Variants in CWF19L1 observed in about 807,000 individuals in gnomAD.
CWF19L1 encodes CWF19 like cell cycle control factor 1, also known as CWF19-like protein 1.
Under a neutral mutation model 69.7 loss-of-function variants are expected in CWF19L1, and 60 were observed. That is an observed-to-expected ratio of 0.86 (90% CI 0.70 to 1.07). The LOEUF (loss-of-function observed/expected upper bound fraction) is 1.07, where lower values mean the gene tolerates loss of function less well. Among genes scored for constraint, CWF19L1 ranks in the 50% least tolerant of loss-of-function variants. The pLI, the probability that CWF19L1 is intolerant of heterozygous loss-of-function variation, is 0.00. For missense variants in CWF19L1, 591 were observed against 638.9 expected (o/e 0.92, Z 0.81); for synonymous variants, 209 against 222.2 (o/e 0.94, Z 0.53).
rs193007573 is a variant in CWF19L1 at position 100,245,058 on chromosome 10, T to C, written c.964+741A>G. ...TTTTTTTTGAGATGGAGTCTCACTC[T>C]GTCACCCAGGCTGGAGTGCAATGGC... On this transcript the variant is annotated intron_variant, in intron 9 of 13. Coordinates refer to ENST00000354105, the MANE Select transcript of CWF19L1 (RefSeq NM_018294.6). 5.3e-5 allele frequency among the ~76,000 whole-genome samples: 8 copies of C among 151,368 alleles called. No individual in the cohort carries two copies. The East Asian group carries it at 1.6e-3, about 29-fold the overall frequency.
intron 4 of CWF19L1, among the ~76,000 whole-genome samples, chr10:100,259,854 T>C (rs1045592957): frequency 6.6e-6 from 1 of 152,268 alleles, no homozygotes; most frequent in East Asian, 1.9e-4. Flanking sequence ...GAGAACACTA[T>C]ATTATGTTCA....
intron 1 of CWF19L1, among the ~76,000 whole-genome samples, chr10:100,264,443 G>A (rs2134327996): frequency 6.6e-6 from 1 of 152,114 alleles, no homozygotes; most frequent in African/African-American, 2.4e-5. Context: ...TACTCAGGAG[G>A]CTGAGGCGGG....
At chr10:100,252,662 G>A (rs75795658) in intron 6 of CWF19L1, among the ~76,000 whole-genome samples, 11,196 of 151,620 alleles carry the variant, frequency 0.074, 723 homozygotes, top group African/African-American at 0.17. Context: ...GTGAAACCCC[G>A]TCTCTATTAA....
intron 7 of CWF19L1, 25 bp from the exon 8 acceptor site, chr10:100,246,960 C>A (rs1297186747): frequency 6.4e-7 from 1 of 1,573,874 alleles, no homozygotes; most frequent in East Asian, 2.3e-5. Context: ...AACATAATGA[C>A]ATTAGGGGAA....
chr10:100,255,499 C>A (rs569589305), intron 5 of CWF19L1, among the ~76,000 whole-genome samples: 36 of 144,160 alleles, frequency 2.5e-4, no homozygotes, highest in Non-Finnish European at 4.7e-4. Flanking sequence ...ACAAAAAAAT[C>A]CGCCTGTAAT....
At chr10:100,239,680 G>A (rs892733742) in intron 10 of CWF19L1, among the ~76,000 whole-genome samples, 2 of 152,152 alleles carry the variant, frequency 1.3e-5, no homozygotes, top group African/African-American at 4.8e-5. Flanking sequence ...TCTTAGTGTG[G>A]TGGGCTCAAA....
At chr10:100,265,663 G>A (rs1341302365) in intron 1 of CWF19L1, among the ~76,000 whole-genome samples, 1 of 151,884 alleles carries the variant, frequency 6.6e-6, no homozygotes, top group Non-Finnish European at 1.5e-5. Flanking sequence ...TGGGATTACA[G>A]GCGCCCGCTA....
chr10:100,265,489 T>A (rs566854265), intron 1 of CWF19L1, among the ~76,000 whole-genome samples: 1 of 151,730 alleles, frequency 6.6e-6, no homozygotes, highest in Admixed American at 6.6e-5. Flanking sequence ...GCCCTTTTTT[T>A]TTTTCCTGTA....
chr10:100,257,724 A>G (rs539171727), intron 4 of CWF19L1, among the ~76,000 whole-genome samples: 6 of 152,208 alleles, frequency 3.9e-5, no homozygotes, highest in African/African-American at 1.4e-4. Flanking sequence ...TGAAGTTGAC[A>G]ATATCTTTAC....
chr10:100,249,097 G>A lies in CWF19L1; in HGVS notation c.708+1151C>T, dbSNP rs577850782. 9.9e-5 allele frequency: 49 copies of A among 496,228 alleles called. No individual in the cohort carries two copies. The East Asian group carries it at 1.6e-3, about 17-fold the overall frequency. 30.7% of individuals were successfully genotyped at this position (496,228 alleles called of 1,614,324 possible). A position where few individuals can be genotyped will look rare whatever the true frequency, so the allele number is the denominator to read the frequency against. On this transcript the variant is annotated intron_variant, in intron 7 of 13. Transcript: ENST00000354105. Reference sequence around the variant, plus strand: ...GAGGGGCCACCCTGCCTGCACCTCCGCAGGCCAACTGGGCCACAGCCCTGA... The same window carrying A: ...GAGGGGCCACCCTGCCTGCACCTCCACAGGCCAACTGGGCCACAGCCCTGA...
intron 4 of CWF19L1, among the ~76,000 whole-genome samples, chr10:100,258,024 G>A (rs1847271300): frequency 6.6e-6 from 1 of 152,000 alleles, no homozygotes; most frequent in African/African-American, 2.4e-5. Context: ...GATCACCTCA[G>A]GTCAGGATTT....
At chr10:100,264,100 A>G (rs1258684262) in intron 1 of CWF19L1, among the ~76,000 whole-genome samples, 1 of 152,264 alleles carries the variant, frequency 6.6e-6, no homozygotes, top group Non-Finnish European at 1.5e-5. Context: ...TTGTAACATC[A>G]TAGTGCAATA....
chr10:100,248,537 G>T, intron 7 of CWF19L1: 1 of 709,850 alleles, frequency 1.4e-6, no homozygotes, highest in Non-Finnish European at 2.6e-6. Context: ...ACATCACGGT[G>T]CACATGGGGG....
chr10:100,252,830 G>A (rs564339876), intron 6 of CWF19L1, among the ~76,000 whole-genome samples: 163 of 144,962 alleles, frequency 1.1e-3, no homozygotes, highest in African/African-American at 3.9e-3. Context: ...GCGAGACTCC[G>A]TCTCAAAAAA....
chr10:100,253,487 G>T lies in CWF19L1; in HGVS notation c.557C>A (p.Thr186Lys), dbSNP rs746097669. The T allele has an allele frequency of 6.2e-7, 1 of 1,614,070 alleles. No homozygotes were observed. The highest frequency in any genetic ancestry group is 2.2e-5 in the East Asian group (1 of 44,874). Residue 186 changes from threonine to lysine, a missense_variant, in exon 6 of 14, where the codon ACG (threonine) becomes AAG (lysine). Physicochemically the swap from Thr to Lys is moderately conservative, Grantham distance 78. Around this residue, in one of 3 missense-constraint regions of CWF19L1, gnomAD observed 458 missense variants for 489.3 expected, o/e 0.94. Coordinates refer to ENST00000354105, the MANE Select transcript of CWF19L1 (RefSeq NM_018294.6). ...AAAATGGTATCTTGGTTTCAAGCCC[G>T]TGGCAAGACTGGAAACCAAAGCAGA... Reference protein sequence around the residue: ...CGSALVSSLATGLKPRYHFAA... With the variant: ...CGSALVSSLAKGLKPRYHFAA...
In CWF19L1 at chr10:100,246,919, C is replaced by A. The variant is rs1408188839; in HGVS notation, c.725G>T (p.Ser242Ile). 28 of 1,611,630 alleles carry A rather than the reference C, an allele frequency of 1.7e-5. No individual in the cohort carries two copies. Among genetic ancestry groups the A allele is most frequent in the Non-Finnish European group, 2.4e-5 (28 of 1,178,448 alleles). Residue 242 changes from serine (S) to isoleucine (I), a missense_variant, in exon 8 of 14, where the codon AGT (serine) becomes ATT (isoleucine). Coordinates refer to ENST00000354105, the MANE Select transcript of CWF19L1 (RefSeq NM_018294.6). ...ATCCATTAGCTTCATGGGAACAATA[C>A]TGAACGCGTAAAGATACTTTAGAGA... ...PEKKKYLYAF[S>I]IVPMKLMDAA...
At chr10:100,243,193 T>C (rs938974242) in intron 10 of CWF19L1, among the ~76,000 whole-genome samples, 3 of 152,222 alleles carry the variant, frequency 2.0e-5, no homozygotes, top group Admixed American at 6.5e-5. Flanking sequence ...GGAGCATTAT[T>C]TCTAATAGCC....
chr10:100,243,849 G>T, intron 9 of CWF19L1, 72 bp from the exon 10 acceptor site: 2 of 1,245,070 alleles, frequency 1.6e-6, no homozygotes, highest in Non-Finnish European at 2.4e-6. Context: ...ACAGAACTCA[G>T]CTTTGTCTGA....
At chr10:100,265,181 A>G (rs1219104702) in intron 1 of CWF19L1, among the ~76,000 whole-genome samples, 2 of 152,102 alleles carry the variant, frequency 1.3e-5, no homozygotes, top group Admixed American at 1.3e-4. Flanking sequence ...AGCTTGTAGA[A>G]TAAGGATATA....
Sources: gnomAD v4.1 joint callset for allele counts (sites outside exome capture counted in the v4.1 genomes callset) on GRCh38, gnomAD v4.1.1 for gene constraint, gnomAD v4.1.1 regional missense constraint, MANE v1.5 for transcripts, NCBI Gene and HGNC (gene_info 2026-07-23, HGNC 2026-07-21) for gene names.